The following PI15 variants were observed in gnomAD, a reference collection of about 807,000 sequenced individuals.
PI15 encodes the protein 25 kDa trypsin inhibitor.
A neutral mutation model predicts 31.0 loss-of-function variants in PI15; 18 were observed. That is an observed-to-expected ratio of 0.58 (90% CI 0.40 to 0.86). The LOEUF (loss-of-function observed/expected upper bound fraction) is 0.86. PI15 is among the 40% of genes least tolerant of loss of function. The pLI, the probability that PI15 is intolerant of heterozygous loss-of-function variation, is 0.00. For missense variants in PI15, 282 were observed against 328.1 expected (o/e 0.86, Z 1.09); for synonymous variants, 118 against 119.1 (o/e 0.99, Z 0.06).
chr8:74,849,251 T>A lies in PI15; in HGVS notation c.775T>A (p.Ter259LysextTer9). Residue 259 changes from the stop codon to lysine, a stop_lost, in exon 6 of 6, where the codon TAA (stop) becomes AAA (lysine). Coordinates refer to ENST00000260113, the MANE Select transcript of PI15 (RefSeq NM_015886.5). The stretch of plus-strand genomic sequence containing the variant: ...GTCAAACTACCTGTACTGGTTTAAA[T>A]AAGTTTACCTTTTCCTCCAGGAAAT... ...VTSNYLYWFK* is the reference protein window; with the variant it reads ...VTSNYLYWFKK The A allele has an allele frequency of 6.2e-7, 1 of 1,609,580 alleles. No individual in the cohort carries two copies. Among genetic ancestry groups the A allele is most frequent in the Middle Eastern group, 1.7e-4 (1 of 6,044 alleles).
chr8:74,826,327 T>C, intron 2 of PI15: 1 of 966,450 alleles, frequency 1.0e-6, no homozygotes, highest in Non-Finnish European at 1.2e-6. Flanking sequence ...TTTAAGGCAA[T>C]GAAGACCATC....
rs1811093212 is a variant in PI15 at position 74,850,685 on chromosome 8, T to G, written c.*1432T>G. 6.6e-6 allele frequency: 1 copy of G among 152,202 alleles called. No individual in the cohort carries two copies. 9.4% of individuals were successfully genotyped at this position (152,202 alleles called of 1,614,324 possible). A position where few individuals can be genotyped will look rare whatever the true frequency, so the allele number is the denominator to read the frequency against. ...TCTGTAGAAGAAACATTTTCAGTTCTTCATTGAGTTTGATTATGGAAATCC... is the reference window on the plus strand; with the variant it reads ...TCTGTAGAAGAAACATTTTCAGTTCGTCATTGAGTTTGATTATGGAAATCC... On this transcript the variant is annotated 3_prime_UTR_variant, in exon 6 of 6. Transcript: ENST00000260113.
At chr8:74,843,602 AC>A (rs891450502) in intron 2 of PI15, among the ~76,000 whole-genome samples, 1 of 152,128 alleles carries the variant, frequency 6.6e-6, no homozygotes, top group African/African-American at 2.4e-5. Flanking sequence ...GGTAGTGCGC[AC>A]CTGCAATCCT....
intron 2 of PI15, among the ~76,000 whole-genome samples, chr8:74,830,541 G>A (rs769258704): frequency 3.3e-5 from 5 of 152,064 alleles, no homozygotes; most frequent in Non-Finnish European, 7.4e-5. Flanking sequence ...TGAACTATTT[G>A]CCTAGGATGA....
chr8:74,849,033 C>A, intron 5 of PI15, 85 bp from the exon 6 acceptor site: 2 of 1,183,536 alleles, frequency 1.7e-6, no homozygotes, highest in Non-Finnish European at 2.4e-6. Context: ...CATGTCAATA[C>A]TTGTGAACAT....
At position 74,854,876 on chromosome 8, in the gene PI15, G is replaced by A. The variant is rs555474115; in HGVS notation, c.*5623G>A. 2.4e-4 allele frequency: 36 copies of A among 152,028 alleles called. No individual in the cohort carries two copies. The highest frequency in any genetic ancestry group is 7.7e-4 in the African/African-American group (32 of 41,492). The allele number at this position is 152,028 out of a possible 1,614,324, so 9.4% of individuals were successfully genotyped here. On this transcript the variant is annotated 3_prime_UTR_variant, in exon 6 of 6. Transcript: ENST00000260113. Reference sequence around the variant, plus strand: ...GAAGTTTTATTCATTACCTAATTCTGTGGCAAAAATGGTGCCTCTGATGTT... The same window carrying A: ...GAAGTTTTATTCATTACCTAATTCTATGGCAAAAATGGTGCCTCTGATGTT...
intron 2 of PI15, among the ~76,000 whole-genome samples, 161 bp from the exon 3 acceptor site, chr8:74,843,820 G>A (rs887931448): frequency 6.6e-6 from 1 of 151,916 alleles, no homozygotes; most frequent in Non-Finnish European, 1.5e-5. Flanking sequence ...ATCCATGATT[G>A]CACCATTGCA....
chr8:74,846,498 T>G lies in PI15; in HGVS notation c.641+1001T>G, dbSNP rs563950744. Among the ~76,000 whole-genome samples, 207 of 152,352 alleles carry G rather than the reference T, an allele frequency of 1.4e-3. No homozygotes were observed. The Middle Eastern group carries it at 0.014, about 10-fold the overall frequency. The stretch of plus-strand genomic sequence containing the variant: ...TTTCTCCCTGACATAAATAGACCAA[T>G]TAGTACCCAAATAGTCTAAGAGATT... On this transcript the variant is annotated intron_variant, in intron 5 of 5. Transcript: ENST00000260113.
At chr8:74,835,961 T>C (rs1252977749) in intron 2 of PI15, among the ~76,000 whole-genome samples, 1 of 152,186 alleles carries the variant, frequency 6.6e-6, no homozygotes, top group African/African-American at 2.4e-5. Context: ...TAACAAATGA[T>C]GATGGCTTTG....
chr8:74,834,142 G>A (rs570980251), intron 2 of PI15, among the ~76,000 whole-genome samples: 10 of 152,170 alleles, frequency 6.6e-5, no homozygotes, highest in South Asian at 2.1e-4. Flanking sequence ...TCCACAAAAC[G>A]TTCCTGGTGC....
At chr8:74,844,555 G>A (rs117607026) in intron 3 of PI15, among the ~76,000 whole-genome samples, 3,298 of 151,714 alleles carry the variant, frequency 0.022, 49 homozygotes, top group African/African-American at 0.029. Context: ...ATTTACATAT[G>A]TTTATACACA....
chr8:74,838,616 T>C (rs1231617910), intron 2 of PI15, among the ~76,000 whole-genome samples: 1 of 152,116 alleles, frequency 6.6e-6, no homozygotes, highest in African/African-American at 2.4e-5. Context: ...TCTTTGTGTC[T>C]GTGTGTACGC....
intron 5 of PI15, 63 bp from the exon 6 acceptor site, chr8:74,849,055 A>C: frequency 2.1e-6 from 3 of 1,463,102 alleles, no homozygotes; most frequent in Non-Finnish European, 2.8e-6. Context: ...TGGCTTAAGG[A>C]CAATCTACTT....
Position 74,844,427 on chromosome 8 carries a change from CTGTGTGTGTG to C in PI15, c.392+362_392+371del, listed in dbSNP as rs57644375. Among the ~76,000 whole-genome samples, 709 of 141,774 alleles carry C rather than the reference CTGTGTGTGTG, an allele frequency of 5.0e-3. 3 individuals are homozygous for C. The highest frequency in any genetic ancestry group is 0.011 in the African/African-American group (433 of 38,596). 93.0% of individuals were successfully genotyped at this position (141,774 alleles called of 152,430 possible). Reference sequence around the variant, plus strand: ...AAAAAGCCCCATGACTGTGCAGAGGCTGTGTGTGTGTGTGTGTGTGTGTGTGTGTGTGTGT... The same window carrying C: ...AAAAAGCCCCATGACTGTGCAGAGGCTGTGTGTGTGTGTGTGTGTGTGTGT... On this transcript the variant is annotated intron_variant, in intron 3 of 5. Transcript: ENST00000260113.
At chr8:74,830,716 T>A (rs936568757) in intron 2 of PI15, among the ~76,000 whole-genome samples, 1 of 152,170 alleles carries the variant, frequency 6.6e-6, no homozygotes, top group Non-Finnish European at 1.5e-5. Flanking sequence ...ATCTTTTTTT[T>A]AACAAAGCCA....
intron 2 of PI15, among the ~76,000 whole-genome samples, chr8:74,841,207 A>G (rs1810940682): frequency 6.6e-6 from 1 of 152,174 alleles, no homozygotes; most frequent in Admixed American, 6.5e-5. Context: ...TGTCTTGAAT[A>G]TTTTTAATTA....
At chr8:74,827,289 C>A (rs1464000002) in intron 2 of PI15, among the ~76,000 whole-genome samples, 1 of 152,030 alleles carries the variant, frequency 6.6e-6, no homozygotes, top group African/African-American at 2.4e-5. Flanking sequence ...ATGCAATTCA[C>A]TATTTTTATC....
At chr8:74,825,605 G>GA in intron 2 of PI15, 83 bp downstream of exon 2, 1 of 1,150,074 alleles carries the variant, frequency 8.7e-7, no homozygotes, top group Non-Finnish European at 1.2e-6. Flanking sequence ...AAACGACCAC[G>GA]AGTGTTTATA....
intron 2 of PI15, among the ~76,000 whole-genome samples, chr8:74,837,187 T>C (rs1427626838): frequency 3.3e-5 from 5 of 152,210 alleles, no homozygotes; most frequent in Non-Finnish European, 5.9e-5. Flanking sequence ...TTTTTTGATA[T>C]ACATAATATA....
Sources: gnomAD v4.1 joint callset for allele counts (sites outside exome capture counted in the v4.1 genomes callset) on GRCh38, gnomAD v4.1.1 for gene constraint, MANE v1.5 for transcripts, NCBI Gene and HGNC (gene_info 2026-07-23, HGNC 2026-07-21) for gene names.